The following BIN3 variants were observed in gnomAD, a reference collection of about 807,000 sequenced individuals.
BIN3 encodes bridging integrator 3.
In BIN3, 41 loss-of-function variants were observed where a neutral mutation model predicts 38.2. That is an observed-to-expected ratio of 1.07 (90% confidence interval 0.84 to 1.39). BIN3 has a LOEUF of 1.39. Among genes scored for constraint, BIN3 ranks in the 40% most tolerant of loss-of-function variants. The probability of loss-of-function intolerance (pLI) is 0.00; values close to 1 mark genes in which losing one functional copy is unlikely to be tolerated. For synonymous variants in BIN3, 145 were observed against 122.6 expected, an observed-to-expected ratio of 1.18 and a Z score of -1.21; for missense variants, 361 against 324.3, an observed-to-expected ratio of 1.11 and a Z score of -0.87.
chr8:22,623,886 C>A, intron 8 of BIN3, 29 bp downstream of exon 8: 1 of 1,606,772 alleles, frequency 6.2e-7, no homozygotes, highest in Admixed American at 1.7e-5. Flanking sequence ...GTATACCAAG[C>A]CCAGGGGAAG....
In BIN3 at chr8:22,630,467, C is replaced by A. The variant is rs181817464; in HGVS notation, c.272G>T (p.Arg91Leu). ...CTTTTCCTGATTGAAGGCATCCATC[C>A]GCTTCATGGCCGTGTCCAGGGCCGT... ...MVTALDTAMK[R>L]MDAFNQEKVN... is the part of the protein sequence containing the mutation. Residue 91 changes from arginine (R) to leucine (L), a missense_variant, in exon 5 of 9, where the codon CGG (arginine) becomes CTG (leucine). Arg to Leu is a moderately radical substitution (Grantham distance 102, BLOSUM62 -2). Transcript: ENST00000276416. 1.9e-6 allele frequency: 3 copies of A among 1,614,032 alleles called. 1 individual carries two copies. The highest frequency in any genetic ancestry group is 1.7e-5 in the Admixed American group (1 of 60,030).
intron 4 of BIN3, 116 bp downstream of exon 4, chr8:22,636,409 C>A: frequency 1.8e-6 from 2 of 1,083,870 alleles, no homozygotes; most frequent in South Asian, 2.9e-5. Flanking sequence ...TCTCAGGACA[C>A]TGGGTACACG....
At chr8:22,625,367 CTG>C (rs1281599630) in intron 6 of BIN3, 18 of 702,518 alleles carry the variant, frequency 2.6e-5, no homozygotes, top group Admixed American at 6.0e-5. Flanking sequence ...GCTCATGACT[CTG>C]TGGCCATTCG....
chr8:22,663,074 G>A (rs1803288500), intron 1 of BIN3, among the ~76,000 whole-genome samples: 1 of 152,172 alleles, frequency 6.6e-6, no homozygotes, highest in African/African-American at 2.4e-5. Context: ...AGCTGAGATG[G>A]CACCACTGCA....
At chr8:22,660,445 C>T (rs1803196898) in intron 1 of BIN3, among the ~76,000 whole-genome samples, 1 of 152,228 alleles carries the variant, frequency 6.6e-6, no homozygotes, top group African/African-American at 2.4e-5. Flanking sequence ...TTTAATCTCA[C>T]CTTTGCTCCT....
At position 22,623,929 on chromosome 8, in the gene BIN3, G is replaced by T. The variant is rs769993787; in HGVS notation, c.601C>A (p.Leu201Ile). The T allele has an allele frequency of 6.2e-7, 1 of 1,611,760 alleles. No individual in the cohort carries two copies. Residue 201 changes from leucine (L) to isoleucine (I), a missense_variant, in exon 8 of 9, where the codon CTC (leucine) becomes ATC (isoleucine). Transcript: ENST00000276416. ...GGCGGCCTCACCTGAGCTCGGATGA[G>T]GGACTCAAAGCTGGGCTGGAAGTAG... ...LDYFQPSFESLIRAQVVYYSE... is the reference protein window; with the variant it reads ...LDYFQPSFESIIRAQVVYYSE...
chr8:22,636,463 A>G, intron 4 of BIN3, 62 bp downstream of exon 4: 2 of 1,507,778 alleles, frequency 1.3e-6, no homozygotes, highest in African/African-American at 2.8e-5. Flanking sequence ...GGGCTGAGAG[A>G]GGAGGGTGCC....
At position 22,639,549 on chromosome 8, in the gene BIN3, G is replaced by A. The variant is rs530084052; in HGVS notation, c.58-2587C>T. 3.9e-5 allele frequency among the ~76,000 whole-genome samples: 6 copies of A among 152,230 alleles called. No homozygotes were observed. In the South Asian group the frequency reaches 8.3e-4, roughly 21 times the overall value. On this transcript the variant is annotated intron_variant, in intron 2 of 8. Coordinates refer to ENST00000276416, the MANE Select transcript of BIN3 (RefSeq NM_018688.6). ...ACCCAGCCAACTTTAGGTGGCTTAC[G>A]AGGAAATAGCTGATATCATCTACCC...
chr8:22,633,169 C>A (rs1802262692), intron 4 of BIN3, among the ~76,000 whole-genome samples: 1 of 152,170 alleles, frequency 6.6e-6, no homozygotes, highest in South Asian at 2.1e-4. Flanking sequence ...GTAGATGACA[C>A]CAAGAACACC....
chr8:22,630,451 A>C lies in BIN3; in HGVS notation c.288T>G (p.Asn96Lys), dbSNP rs1389432484. Residue 96 changes from asparagine (N) to lysine (K), a missense_variant, in exon 5 of 9, where the codon AAT becomes AAG. Physicochemically the swap from Asn to Lys is moderately conservative, Grantham distance 94. Coordinates refer to ENST00000276416, the MANE Select transcript of BIN3 (RefSeq NM_018688.6). The stretch of plus-strand genomic sequence containing the variant: ...ACCAAGACCTAGTCACCTTTTCCTG[A>C]TTGAAGGCATCCATCCGCTTCATGG... Reference protein sequence around the residue: ...DTAMKRMDAFNQEKVNQIQKT... With the variant: ...DTAMKRMDAFKQEKVNQIQKT... 1 of 1,613,908 alleles carries C rather than the reference A, an allele frequency of 6.2e-7. No individual in the cohort carries two copies. Among genetic ancestry groups the C allele is most frequent in the Non-Finnish European group, 8.5e-7 (1 of 1,179,850 alleles).
chr8:22,643,360 T>G (rs931974221), intron 2 of BIN3, among the ~76,000 whole-genome samples: 1 of 152,060 alleles, frequency 6.6e-6, no homozygotes, highest in Non-Finnish European at 1.5e-5. Context: ...AGACAGGGTC[T>G]CAGTCTATCA....
At position 22,640,034 on chromosome 8, in the gene BIN3, G is replaced by A. The variant is rs572554382; in HGVS notation, c.58-3072C>T. On this transcript the variant is annotated intron_variant, in intron 2 of 8. Coordinates refer to ENST00000276416, the MANE Select transcript of BIN3 (RefSeq NM_018688.6). ...GTGCCACCGCGCCTGGCTAATTTTC[G>A]TGTTTTTAGTAGAGACAGGGTTTCT... 6.0e-5 allele frequency among the ~76,000 whole-genome samples: 9 copies of A among 150,702 alleles called. No individual in the cohort carries two copies. The Middle Eastern group carries it at 0.014, about 236-fold the overall frequency.
chr8:22,667,753 G>A (rs1803469532), intron 1 of BIN3, among the ~76,000 whole-genome samples: 1 of 152,126 alleles, frequency 6.6e-6, no homozygotes, highest in African/African-American at 2.4e-5. Context: ...ATTGCTTCAG[G>A]CTTTCCTCCC....
At chr8:22,651,653 G>A (rs1335302067) in intron 1 of BIN3, among the ~76,000 whole-genome samples, 1 of 152,144 alleles carries the variant, frequency 6.6e-6, no homozygotes, top group Non-Finnish European at 1.5e-5. Context: ...TCCCAGTACT[G>A]CTGCTGTGGG....
At chr8:22,634,916 T>C (rs1268076996) in intron 4 of BIN3, among the ~76,000 whole-genome samples, 2 of 152,252 alleles carry the variant, frequency 1.3e-5, no homozygotes, top group Admixed American at 6.5e-5. Flanking sequence ...ATTTATAAAA[T>C]GGGTGTGTCA....
At chr8:22,633,192 G>A (rs1040167315) in intron 4 of BIN3, among the ~76,000 whole-genome samples, 3 of 152,180 alleles carry the variant, frequency 2.0e-5, no homozygotes, top group South Asian at 2.1e-4. Context: ...GGTCTTGGCT[G>A]GGCGTAGTGG....
intron 1 of BIN3, among the ~76,000 whole-genome samples, chr8:22,661,085 A>G (rs1803221274): frequency 6.6e-6 from 1 of 151,932 alleles, no homozygotes; most frequent in Non-Finnish European, 1.5e-5. Flanking sequence ...CAGTCTCACT[A>G]CGCTCCCCAG....
At chr8:22,634,617 C>A in intron 4 of BIN3, 2 of 442,040 alleles carry the variant, frequency 4.5e-6, no homozygotes, top group Non-Finnish European at 9.1e-6. Flanking sequence ...TAGGAGCACA[C>A]TGGTCCTCAA....
At chr8:22,637,566 C>G (rs750354181) in intron 2 of BIN3, among the ~76,000 whole-genome samples, 2 of 152,242 alleles carry the variant, frequency 1.3e-5, no homozygotes, top group Non-Finnish European at 2.9e-5. Flanking sequence ...GGTATCAACT[C>G]TCTTGAGAGC....
Sources: allele counts gnomAD v4.1 joint callset (sites outside exome capture counted in the v4.1 genomes callset), GRCh38; gene constraint gnomAD v4.1.1; transcripts MANE v1.5; gene names NCBI Gene and HGNC (gene_info 2026-07-23, HGNC 2026-07-21).